Variants in STRIP2 observed in about 807,000 individuals in gnomAD.
STRIP2 encodes striatin interacting protein 2, also known as striatin-interacting protein 2.
STRIP2 carries 84 observed loss-of-function variants against 107.1 expected under a neutral mutation model. The observed-to-expected ratio is 0.78, with a 90% CI of 0.66 to 0.94. STRIP2 has a LOEUF of 0.94. STRIP2 is among the 40% of genes least tolerant of loss of function. The pLI is 0.00. For missense variants in STRIP2, 888 were observed against 1,034.2 expected, an observed-to-expected ratio of 0.86 and a Z score of 1.94; for synonymous variants, 394 against 400.4, an observed-to-expected ratio of 0.98 and a Z score of 0.19.
Position 129,458,412 on chromosome 7 carries a change from G to A in STRIP2, c.1236G>A (p.Val412=). The A allele has an allele frequency of 5.0e-6, 8 of 1,610,402 alleles. No individual in the cohort carries two copies. The highest frequency in any genetic ancestry group is 6.8e-6 in the Non-Finnish European group (8 of 1,178,426). The stretch of plus-strand genomic sequence containing the variant: ...AGGCACCCCTCTCTGCTGAGCGGGT[G>A]GCTTTTCCCAAGGGCCTGCCCTGGG... The part of the protein sequence containing the change: ...PSQAPLSAER[V]AFPKGLPWAP... The change falls in exon 10 of 21, where the codon GTG becomes GTA. Residue 412 remains valine (V), a synonymous_variant. Transcript: ENST00000249344. This position sits in a 1 kb window ranked among gnomAD's most constrained non-coding sequence, Gnocchi z 4.6.
In STRIP2 at chr7:129,434,608, AGCCCGGAAAGCTTCGGCTGGG is replaced by A. The variant is rs1243534508; in HGVS notation, c.129+15_129+35del. 16 of 1,477,832 alleles carry A rather than the reference AGCCCGGAAAGCTTCGGCTGGG, an allele frequency of 1.1e-5. No individual in the cohort carries two copies. The highest frequency in any genetic ancestry group is 2.4e-4 in the Middle Eastern group (1 of 4,202). 91.5% of individuals were successfully genotyped at this position (1,477,832 alleles called of 1,614,324 possible). A position where few individuals can be genotyped will look rare whatever the true frequency, so the allele number is the denominator to read the frequency against. On this transcript the variant is annotated splice_region_variant and intron_variant, in intron 1 of 20. Transcript: ENST00000249344. The stretch of plus-strand genomic sequence containing the variant: ...CCAGCGGCGGGAGTCAGAGGTGAGG[AGCCCGGAAAGCTTCGGCTGGG>A]GCCCGGAGACGCCCGCCGGCGGGAA...
At chr7:129,437,336 G>A (rs1248450923) in intron 1 of STRIP2, among the ~76,000 whole-genome samples, 1 of 151,998 alleles carries the variant, frequency 6.6e-6, no homozygotes, top group Admixed American at 6.6e-5. Flanking sequence ...TGTCCCAGCT[G>A]CTCAGGAGGC....
At chr7:129,441,824 A>T (rs712693) in intron 2 of STRIP2, among the ~76,000 whole-genome samples, 1 of 152,154 alleles carries the variant, frequency 6.6e-6, no homozygotes, top group East Asian at 1.9e-4. Context: ...CCATGTTGCC[A>T]AGGCTGGTCC....
At chr7:129,442,810 G>C (rs1797935765) in intron 2 of STRIP2, among the ~76,000 whole-genome samples, 1 of 152,118 alleles carries the variant, frequency 6.6e-6, no homozygotes, top group Non-Finnish European at 1.5e-5. Flanking sequence ...TTAGACAGCT[G>C]GCTGGAACAT....
Position 129,473,587 on chromosome 7 carries a change from C to G in STRIP2, c.1944+2872C>G, listed in dbSNP as rs1798844084. ...GGGTCTTTGTGTTGCCCAAGCTGAT[C>G]TTGAACTCCTGGGCTCAAGCAATCT... is the stretch of plus-strand genomic sequence containing the variant. On this transcript the variant is annotated intron_variant, in intron 18 of 20. Transcript: ENST00000249344. Among the ~76,000 whole-genome samples, 4 of 152,332 alleles carry G rather than the reference C, an allele frequency of 2.6e-5. No homozygotes were observed. In the South Asian group the frequency reaches 6.2e-4, roughly 24 times the overall value.
intron 9 of STRIP2, among the ~76,000 whole-genome samples, chr7:129,457,293 G>A (rs1584949916): frequency 6.6e-6 from 1 of 152,184 alleles, no homozygotes; most frequent in Admixed American, 6.5e-5. Flanking sequence ...CTACAAACCT[G>A]TACAGCAGGT....
chr7:129,450,166 C>A (rs1176575877), intron 3 of STRIP2, among the ~76,000 whole-genome samples: 1 of 152,158 alleles, frequency 6.6e-6, no homozygotes, highest in Non-Finnish European at 1.5e-5. Context: ...CTCCAGAAAT[C>A]TCAAAACCAC....
Position 129,470,622 on chromosome 7 carries a change from G to C in STRIP2, c.1878-27G>C, listed in dbSNP as rs767670862. On this transcript the variant is annotated intron_variant, in intron 17 of 20. Transcript: ENST00000249344. ...TTCCTGCTGTTGCCATTTACCTAAA[G>C]CCTGTCCTTATCTCTGCATCTTACA... is the stretch of plus-strand genomic sequence containing the variant. The C allele has an allele frequency of 4.4e-6, 7 of 1,599,676 alleles. No individual in the cohort carries two copies. In the Admixed American group the frequency reaches 8.3e-5, roughly 19 times the overall value.
intron 3 of STRIP2, among the ~76,000 whole-genome samples, chr7:129,445,744 A>G (rs117367116): frequency 0.059 from 9,035 of 152,294 alleles, 386 homozygotes; most frequent in Middle Eastern, 0.099. Flanking sequence ...GACCATGAGC[A>G]TGAGCCCACT....
In STRIP2 at chr7:129,443,966, T is replaced by A. The variant is rs536493810; in HGVS notation, c.200-58T>A. The A allele has an allele frequency of 1.4e-5, 19 of 1,322,630 alleles. No homozygotes were observed. The East Asian group carries it at 4.1e-4, about 29-fold the overall frequency. The allele number at this position is 1,322,630 out of a possible 1,614,324, so 81.9% of individuals were successfully genotyped here. Reference sequence around the variant, plus strand: ...AGCTCTTTCATGCCACCCTCTCTACTTTGGGCCTCTTCTTTAAGGATCTCC... The same window carrying A: ...AGCTCTTTCATGCCACCCTCTCTACATTGGGCCTCTTCTTTAAGGATCTCC... On this transcript the variant is annotated intron_variant, in intron 2 of 20. Coordinates refer to ENST00000249344, the MANE Select transcript of STRIP2 (RefSeq NM_020704.3).
intron 13 of STRIP2, 42 bp from the exon 14 acceptor site, chr7:129,462,924 C>A (rs988291067): frequency 3.8e-6 from 6 of 1,572,378 alleles, no homozygotes; most frequent in East Asian, 2.2e-5. Flanking sequence ...CCTTTGGTCA[C>A]CTGGAAAGTG....
At position 129,469,368 on chromosome 7, in the gene STRIP2, T is replaced by C. The variant is rs541092429; in HGVS notation, c.1878-1281T>C. Among the ~76,000 whole-genome samples, 3 of 152,360 alleles carry C rather than the reference T, an allele frequency of 2.0e-5. No individual in the cohort carries two copies. In the South Asian group the frequency reaches 6.2e-4, roughly 32 times the overall value. On this transcript the variant is annotated intron_variant, in intron 17 of 20. Transcript: ENST00000249344. Reference sequence around the variant, plus strand: ...TTCTCATGGCTCTTAACAATCTAGATGTTCTAGATACTTGTAAATTAATTT... The same window carrying C: ...TTCTCATGGCTCTTAACAATCTAGACGTTCTAGATACTTGTAAATTAATTT...
intron 17 of STRIP2, among the ~76,000 whole-genome samples, chr7:129,468,376 AGACCTGGATTCGT>A (rs1798720151): frequency 6.6e-6 from 1 of 152,238 alleles, no homozygotes; most frequent in Admixed American, 6.5e-5. Flanking sequence ...TGAAGTCATG[AGACCTGGATTCGT>A]GACCTGGATC....
intron 16 of STRIP2, among the ~76,000 whole-genome samples, chr7:129,467,028 G>A (rs910226486): frequency 2.6e-5 from 4 of 152,192 alleles, no homozygotes; most frequent in Admixed American, 6.5e-5. Flanking sequence ...CATGGAAAAC[G>A]ACTCCCTCGG....
intron 18 of STRIP2, among the ~76,000 whole-genome samples, chr7:129,472,592 C>T (rs1194892807): frequency 6.6e-6 from 1 of 152,026 alleles, no homozygotes; most frequent in Non-Finnish European, 1.5e-5. Flanking sequence ...TCATGGGCTG[C>T]AATAACTAGT....
chr7:129,467,356 T>A lies in STRIP2; in HGVS notation c.1783T>A (p.Tyr595Asn). The A allele has an allele frequency of 6.2e-7, 1 of 1,612,756 alleles. No individual in the cohort carries two copies. Among genetic ancestry groups the A allele is most frequent in the South Asian group, 1.1e-5 (1 of 90,996 alleles). Reference sequence around the variant, plus strand: ...GCTTTGATTTTTAATTCAGTTTGAATATGTATCGCAACATTTGGTATTTGC... The same window carrying A: ...GCTTTGATTTTTAATTCAGTTTGAAAATGTATCGCAACATTTGGTATTTGC... ...FKLNHIYQFEYVSQHLVFANC... is the reference protein window; with the variant it reads ...FKLNHIYQFENVSQHLVFANC... The change falls in exon 17 of 21, where the codon TAT (tyrosine) becomes AAT (asparagine). Residue 595 changes from tyrosine (Y) to asparagine (N), a missense_variant. Transcript: ENST00000249344.
chr7:129,481,449 A>G (rs546126897), intron 19 of STRIP2, among the ~76,000 whole-genome samples: 1 of 152,090 alleles, frequency 6.6e-6, no homozygotes, highest in Non-Finnish European at 1.5e-5. Context: ...GTGAGCCGAG[A>G]TCATGCCACT....
chr7:129,454,308 G>T (rs1056492003), intron 6 of STRIP2, 98 bp downstream of exon 6: 6 of 1,475,030 alleles, frequency 4.1e-6, no homozygotes, highest in South Asian at 1.1e-5. Context: ...TTAGGAAGTT[G>T]CCCTGTAGCT....
At chr7:129,475,574 A>ATTTTT in intron 18 of STRIP2, among the ~76,000 whole-genome samples, 1 of 42,446 alleles carries the variant, frequency 2.4e-5, no homozygotes, top group Non-Finnish European at 4.9e-5. Flanking sequence ...TTTTCTTTTT[A>ATTTTT]TTTTTTTTTA....
Sources: gnomAD v4.1 joint callset for allele counts (sites outside exome capture counted in the v4.1 genomes callset) on GRCh38, gnomAD v4.1.1 for gene constraint, Gnocchi (gnomAD v3.1) non-coding constraint, MANE v1.5 for transcripts, NCBI Gene and HGNC (gene_info 2026-07-23, HGNC 2026-07-21) for gene names.